The following TFAP2D variants were observed in gnomAD, a reference collection of about 807,000 sequenced individuals.
TFAP2D encodes the protein transcription factor AP-2 delta.
In TFAP2D, 9 loss-of-function variants were observed where a neutral mutation model predicts 43.6. The observed-to-expected ratio is 0.21, with a 90% CI of 0.12 to 0.36. The LOEUF (loss-of-function observed/expected upper bound fraction) is 0.36. Ranked by LOEUF, TFAP2D falls within the 10% of genes least tolerant of loss-of-function variation. The pLI, the probability that TFAP2D is intolerant of heterozygous loss-of-function variation, is 1.00. For missense variants in TFAP2D, 513 were observed against 561.4 expected (o/e 0.91, Z 0.87); for synonymous variants, 256 against 224.9 (o/e 1.14, Z -1.24).
chr6:50,730,419 T>C (rs1332281412), intron 5 of TFAP2D, among the ~76,000 whole-genome samples: 7 of 152,162 alleles, frequency 4.6e-5, no homozygotes, highest in Admixed American at 2.6e-4. Flanking sequence ...CTAGGTCTTG[T>C]GTTGTGTTTG....
intron 7 of TFAP2D, among the ~76,000 whole-genome samples, chr6:50,759,603 G>C (rs79704041): frequency 6.6e-6 from 1 of 151,948 alleles, no homozygotes; most frequent in African/African-American, 2.4e-5. Flanking sequence ...AAATACATCT[G>C]ATAGGGAGAA....
chr6:50,719,675 T>G (rs1216845263), intron 3 of TFAP2D, among the ~76,000 whole-genome samples: 11 of 152,330 alleles, frequency 7.2e-5, no homozygotes, highest in Non-Finnish European at 1.0e-4. Context: ...CAGGGGAGGC[T>G]AATGAAACAC....
Position 50,715,285 on chromosome 6 carries a change from A to T in TFAP2D, c.209A>T (p.His70Leu), listed in dbSNP as rs1768599483. Residue 70 changes from histidine (H) to leucine (L), a missense_variant, in exon 2 of 8, where the codon CAC (histidine) becomes CTC (leucine). His to Leu is a moderately conservative substitution (Grantham distance 99). Coordinates refer to ENST00000008391, the MANE Select transcript of TFAP2D (RefSeq NM_172238.4). ...ACTAACCACCAGTACACCCCGCTCC[A>T]CCACCAGTCCTTCCATTACGAGTTT... is the stretch of plus-strand genomic sequence containing the variant. ...FSTNHQYTPLHHQSFHYEFQH... is the reference protein window; with the variant it reads ...FSTNHQYTPLLHQSFHYEFQH... The T allele has an allele frequency of 6.2e-7, 1 of 1,613,240 alleles. No individual in the cohort carries two copies. The highest frequency in any genetic ancestry group is 1.7e-5 in the Admixed American group (1 of 59,924).
At chr6:50,745,576 T>C (rs565222052) in intron 6 of TFAP2D, among the ~76,000 whole-genome samples, 1 of 152,228 alleles carries the variant, frequency 6.6e-6, no homozygotes, top group African/African-American at 2.4e-5. Context: ...TGCTATGTAA[T>C]TTGGTCTAAG....
At chr6:50,737,555 G>T (rs1461557636) in intron 5 of TFAP2D, among the ~76,000 whole-genome samples, 1 of 152,150 alleles carries the variant, frequency 6.6e-6, no homozygotes, top group Non-Finnish European at 1.5e-5. Context: ...CTGTTCCCCA[G>T]TCATTCAGTT....
At chr6:50,731,019 A>G (rs1330147301) in intron 5 of TFAP2D, among the ~76,000 whole-genome samples, 4 of 152,072 alleles carry the variant, frequency 2.6e-5, no homozygotes, top group African/African-American at 9.7e-5. Context: ...TATGTTCACA[A>G]TTCTTACTGA....
chr6:50,740,520 G>A (rs768464152), intron 5 of TFAP2D, among the ~76,000 whole-genome samples: 23 of 152,062 alleles, frequency 1.5e-4, no homozygotes, highest in Non-Finnish European at 3.1e-4. Context: ...TGCAACTTCC[G>A]CCTCCCGAGT....
intron 6 of TFAP2D, 45 bp from the exon 7 acceptor site, chr6:50,751,166 C>T (rs1435460711): frequency 7.5e-7 from 1 of 1,330,434 alleles, no homozygotes; most frequent in Non-Finnish European, 1.1e-6. Flanking sequence ...GAAATTAAAG[C>T]TCAATTTGAA....
In TFAP2D at chr6:50,719,079, C is replaced by A. The variant is rs770276534; in HGVS notation, c.538-11C>A. ...CATTTAAGTAATTTTATTTCTGTTT[C>A]TTTTATTAAGGGCTCTGTGGAGGCC... is the stretch of plus-strand genomic sequence containing the variant. On this transcript the variant is annotated splice_polypyrimidine_tract_variant and intron_variant, in intron 2 of 7. Transcript: ENST00000008391. 48 of 1,613,210 alleles carry A rather than the reference C, an allele frequency of 3.0e-5. 1 individual carries two copies. Among genetic ancestry groups the A allele is most frequent in the Non-Finnish European group, 3.9e-5 (46 of 1,179,604 alleles).
chr6:50,722,968 C>T (rs1726409412), intron 3 of TFAP2D, among the ~76,000 whole-genome samples: 1 of 152,204 alleles, frequency 6.6e-6, no homozygotes, highest in African/African-American at 2.4e-5. Flanking sequence ...AGGGAGCGGA[C>T]CCGGCCATGG....
At chr6:50,726,612 T>A (rs1034543818) in intron 3 of TFAP2D, among the ~76,000 whole-genome samples, 3 of 152,226 alleles carry the variant, frequency 2.0e-5, no homozygotes, top group African/African-American at 7.2e-5. Context: ...TTTAATATAT[T>A]TGGGGTAGAC....
intron 7 of TFAP2D, among the ~76,000 whole-genome samples, chr6:50,757,432 TAG>T (rs1312494778): frequency 5.4e-5 from 6 of 110,426 alleles, no homozygotes; most frequent in East Asian, 2.7e-4. Context: ...AGAATATATA[TAG>T]AATATATATA....
intron 7 of TFAP2D, among the ~76,000 whole-genome samples, chr6:50,762,844 G>C (rs1397344595): frequency 1.3e-5 from 2 of 152,018 alleles, no homozygotes; most frequent in African/African-American, 4.8e-5. Flanking sequence ...CTGTAATCTA[G>C]TTAGAGACAG....
intron 6 of TFAP2D, among the ~76,000 whole-genome samples, chr6:50,746,821 C>G (rs1769131002): frequency 6.6e-6 from 1 of 152,122 alleles, no homozygotes; most frequent in Non-Finnish European, 1.5e-5. Context: ...CTTGCTGTGG[C>G]TGGCACTGTT....
chr6:50,715,371 C>A lies in TFAP2D; in HGVS notation c.295C>A (p.Gln99Lys). The A allele has an allele frequency of 6.2e-7, 1 of 1,614,164 alleles. No homozygotes were observed. Among genetic ancestry groups the A allele is most frequent in the South Asian group, 1.1e-5 (1 of 91,076 alleles). Residue 99 changes from glutamine (Q) to lysine (K), a missense_variant, in exon 2 of 8, where the codon CAA (glutamine) becomes AAA (lysine). Physicochemically the swap from Gln to Lys is moderately conservative, Grantham distance 53. Around this residue, in one of 3 missense-constraint regions of TFAP2D, gnomAD observed 311 missense variants for 316.2 expected, o/e 0.98. Coordinates refer to ENST00000008391, the MANE Select transcript of TFAP2D (RefSeq NM_172238.4). ...AYSLNSLHHS[Q>K]QYYQQIHHGE... ...CTCTCTGAACTCTCTCCACCACTCG[C>A]AACAGTACTACCAGCAGATCCACCA...
At chr6:50,720,536 C>T (rs1365943446) in intron 3 of TFAP2D, among the ~76,000 whole-genome samples, 1 of 132,692 alleles carries the variant, frequency 7.5e-6, no homozygotes, top group Non-Finnish European at 1.6e-5. Flanking sequence ...CACACACACA[C>T]ACATATACGT....
intron 5 of TFAP2D, among the ~76,000 whole-genome samples, chr6:50,731,985 G>T (rs1768901651): frequency 1.3e-5 from 2 of 151,944 alleles, no homozygotes; most frequent in South Asian, 4.1e-4. Context: ...TCTAATGTTT[G>T]TTCCATTTCT....
chr6:50,729,176 T>C lies in TFAP2D; in HGVS notation c.765-18T>C, dbSNP rs1020846470. On this transcript the variant is annotated intron_variant, in intron 4 of 7. Coordinates refer to ENST00000008391, the MANE Select transcript of TFAP2D (RefSeq NM_172238.4). ...AATGTGAAATTTCAAAACCTAGTTT[T>C]TGTTTGTTTTTGTACAGAGCAAAAT... 5 of 1,609,466 alleles carry C rather than the reference T, an allele frequency of 3.1e-6. No homozygotes were observed. The African/African-American group carries it at 6.7e-5, about 22-fold the overall frequency.
chr6:50,760,620 G>T (rs1344861772), intron 7 of TFAP2D, among the ~76,000 whole-genome samples: 1 of 151,872 alleles, frequency 6.6e-6, no homozygotes, highest in Non-Finnish European at 1.5e-5. Context: ...AAAAGTACTT[G>T]GGACCATGAG....
Sources: gnomAD v4.1 joint callset for allele counts (sites outside exome capture counted in the v4.1 genomes callset) on GRCh38, gnomAD v4.1.1 for gene constraint, gnomAD v4.1.1 regional missense constraint, MANE v1.5 for transcripts, NCBI Gene and HGNC (gene_info 2026-07-23, HGNC 2026-07-21) for gene names.